The following FIRRM variants were observed in gnomAD, a reference collection of about 807,000 sequenced individuals.
The protein encoded by FIRRM is FIGNL1 interacting regulator of recombination and mitosis.
At chr1:169,851,662 C>A in the FIRRM span, 5 of 829,272 alleles carry the variant, frequency 6.0e-6, no homozygotes, top group African/African-American at 8.6e-5. Context: ...TGATTTAATC[C>A]AGATTATACT....
the FIRRM span, among the ~76,000 whole-genome samples, chr1:169,786,314 G>A: frequency 3.3e-5 from 5 of 152,266 alleles, no homozygotes; most frequent in African/African-American, 1.2e-4. Context: ...AGAAGTTATT[G>A]TAAAAATCCT....
chr1:169,829,532 A>G, the FIRRM span: 1 of 1,289,548 alleles, frequency 7.8e-7, no homozygotes, highest in Non-Finnish European at 1.1e-6. Flanking sequence ...TACAGAAGAA[A>G]ATGTGGGAAT....
the FIRRM span, among the ~76,000 whole-genome samples, chr1:169,835,525 A>AT: frequency 6.6e-6 from 1 of 152,102 alleles, no homozygotes; most frequent in Non-Finnish European, 1.5e-5. Context: ...CCACAAGTGT[A>AT]TTTTTTCTCT....
chr1:169,795,651 G>C, the FIRRM span: 3 of 991,268 alleles, frequency 3.0e-6, no homozygotes, highest in Non-Finnish European at 2.4e-6. Flanking sequence ...CCGTAAAAAG[G>C]GTGGTGAATA....
the FIRRM span, among the ~76,000 whole-genome samples, chr1:169,810,834 A>ATTTTTTTTTTTTTTTTTTTTTTTT: frequency 3.3e-5 from 2 of 61,208 alleles, no homozygotes; most frequent in African/African-American, 6.9e-5. Context: ...TTAGCCCCCA[A>ATTTTTTTTTTTTTTTTTTTTTTTT]TTTTTTTTTT....
At chr1:169,793,215 C>T in the FIRRM span, 2 of 1,614,196 alleles carry the variant, frequency 1.2e-6, no homozygotes, top group South Asian at 2.2e-5. Flanking sequence ...CCCTCATAAA[C>T]ACCTGTAATC....
the FIRRM span, among the ~76,000 whole-genome samples, chr1:169,829,001 C>G: frequency 6.6e-6 from 1 of 152,144 alleles, no homozygotes; most frequent in South Asian, 2.1e-4. Flanking sequence ...GGAACTTTGA[C>G]TTTGTGTAAC....
chr1:169,851,469 A>G, the FIRRM span: 1 of 182,048 alleles, frequency 5.5e-6, no homozygotes, highest in Non-Finnish European at 1.1e-5. Flanking sequence ...AAGTCCTGGG[A>G]TTAGAGGCAT....
At chr1:169,845,132 C>T in the FIRRM span, among the ~76,000 whole-genome samples, 1 of 151,894 alleles carries the variant, frequency 6.6e-6, no homozygotes, top group Non-Finnish European at 1.5e-5. Flanking sequence ...TGTTCCAGAC[C>T]ACCACAATAA....
the FIRRM span, chr1:169,795,392 G>T: frequency 7.1e-7 from 1 of 1,410,370 alleles, no homozygotes; most frequent in Non-Finnish European, 9.2e-7. Context: ...AGCGACAACC[G>T]TGGTAGATTT....
At chr1:169,823,284 C>A in the FIRRM span, 109 of 482,642 alleles carry the variant, frequency 2.3e-4, no homozygotes, top group East Asian at 3.1e-3. Flanking sequence ...GAAAGAAAAA[C>A]AAATAATTTT....
chr1:169,842,664 T>G, the FIRRM span: 6 of 1,084,542 alleles, frequency 5.5e-6, no homozygotes, highest in Non-Finnish European at 7.8e-6. Context: ...GGTAGACCTT[T>G]ATAAGAACTT....
chr1:169,840,761 C>G, the FIRRM span, among the ~76,000 whole-genome samples: 1 of 152,086 alleles, frequency 6.6e-6, no homozygotes, highest in Non-Finnish European at 1.5e-5. Context: ...CCACCCACCT[C>G]GGCCTCCCAA....
At chr1:169,826,925 C>T in the FIRRM span, 1 of 780,720 alleles carries the variant, frequency 1.3e-6, no homozygotes, top group Non-Finnish European at 1.9e-6. Context: ...ATAAAATGCA[C>T]ACTTATTTTT....
the FIRRM span, chr1:169,852,273 C>T: frequency 6.0e-6 from 2 of 330,740 alleles, no homozygotes; most frequent in Non-Finnish European, 1.1e-5. Flanking sequence ...GATTCCTTGC[C>T]TTATTAATCA....
the FIRRM span, among the ~76,000 whole-genome samples, chr1:169,788,593 G>A: frequency 6.6e-6 from 1 of 152,060 alleles, no homozygotes; most frequent in African/African-American, 2.4e-5. Flanking sequence ...ACTGCAGGGG[G>A]GTGGGCACCC....
At chr1:169,827,022 G>T in the FIRRM span, 1 of 1,603,844 alleles carries the variant, frequency 6.2e-7, no homozygotes, top group Non-Finnish European at 8.5e-7. Context: ...AGCTATTAAT[G>T]AATGAGTTTT....
chr1:169,802,349 A>AT, the FIRRM span, among the ~76,000 whole-genome samples: 2 of 152,122 alleles, frequency 1.3e-5, no homozygotes, highest in South Asian at 4.1e-4. Flanking sequence ...ACTTTGAGTG[A>AT]TTTTTTAAAA....
the FIRRM span, among the ~76,000 whole-genome samples, chr1:169,786,224 G>A: frequency 6.6e-6 from 1 of 152,098 alleles, no homozygotes; most frequent in East Asian, 1.9e-4. Flanking sequence ...TGTATTTCCT[G>A]TTAAAGAAAA....
Sources: allele counts gnomAD v4.1 joint callset (sites outside exome capture counted in the v4.1 genomes callset), GRCh38; gene constraint gnomAD v4.1.1; transcripts MANE v1.5; gene names NCBI Gene and HGNC (gene_info 2026-07-23, HGNC 2026-07-21).